CYP7A1: variants seen among roughly 807,000 people sequenced by gnomAD.
CYP7A1 encodes the protein cytochrome P450 7A1.
CYP7A1 carries 28 observed loss-of-function variants against 43.8 expected under a neutral mutation model. The ratio of observed to expected loss-of-function variants is 0.64; its 90% confidence interval spans 0.47 to 0.88. The LOEUF is 0.88. CYP7A1 is among the 40% of genes least tolerant of loss of function. The pLI is 0.00. For missense variants in CYP7A1, 637 were observed against 611.9 expected (o/e 1.04, Z -0.43); for synonymous variants, 227 against 222.5 (o/e 1.02, Z -0.18).
chr8:58,497,670 T>C (rs1474819470), intron 2 of CYP7A1, among the ~76,000 whole-genome samples: 5 of 152,162 alleles, frequency 3.3e-5, no homozygotes, highest in African/African-American at 9.7e-5. Context: ...GTGTGTTCCA[T>C]TGTGTCCAGC....
At chr8:58,494,912 G>A (rs1809415383) in intron 3 of CYP7A1, among the ~76,000 whole-genome samples, 1 of 152,180 alleles carries the variant, frequency 6.6e-6, no homozygotes, top group African/African-American at 2.4e-5. Flanking sequence ...GAGGCGGGCG[G>A]ATCATGAGGT....
In CYP7A1 at chr8:58,500,022, C is replaced by T; in HGVS notation, c.77G>A (p.Arg26Lys). 1.9e-6 allele frequency: 3 copies of T among 1,609,458 alleles called. No homozygotes were observed. Among genetic ancestry groups the T allele is most frequent in the African/African-American group, 1.3e-5 (1 of 74,912 alleles). Residue 26 changes from arginine to lysine, a missense_variant, in exon 1 of 6, where the codon AGA (arginine) becomes AAA (lysine). Physicochemically the swap from Arg to Lys is conservative, Grantham distance 26. Transcript: ENST00000301645. ...TTAAAGATAAAACATTACTTACCTT[C>T]TCCTAATTCCAAGAATAAGCCATAG... is the stretch of plus-strand genomic sequence containing the variant. ...CCLWLILGIR[R>K]RQTGEPPLEN...
At chr8:58,497,876 A>G (rs1276771935) in intron 2 of CYP7A1, among the ~76,000 whole-genome samples, 1 of 152,206 alleles carries the variant, frequency 6.6e-6, no homozygotes, top group Non-Finnish European at 1.5e-5. Flanking sequence ...TGGTGAGACA[A>G]CTGCTGAATG....
In CYP7A1 at chr8:58,494,325, T is replaced by C. The variant is rs77169716; in HGVS notation, c.1039+181A>G. 0.016 allele frequency among the ~76,000 whole-genome samples: 2,391 copies of C among 152,286 alleles called. 51 individuals are homozygous for C. The highest frequency in any genetic ancestry group is 0.11 in the East Asian group (554 of 5,176). ...AACCTCTAGGTGTCAGTTTCCTCAC[T>C]TGGTACAAATAAATAGTAACAGTCC... On this transcript the variant is annotated intron_variant, in intron 4 of 5. Coordinates refer to ENST00000301645, the MANE Select transcript of CYP7A1 (RefSeq NM_000780.4).
rs1809345762 is a variant in CYP7A1 at position 58,491,206 on chromosome 8, C to T, written c.*269G>A. ...CCTTTGAAAATAATAAACTTCAATC[C>T]CTGGCTATATGAACATTCATGGACT... On this transcript the variant is annotated 3_prime_UTR_variant, in exon 6 of 6. Transcript: ENST00000301645. 7.2e-6 allele frequency: 3 copies of T among 416,682 alleles called. No individual in the cohort carries two copies. The highest frequency in any genetic ancestry group is 3.8e-5 in the East Asian group (1 of 26,630). The allele number at this position is 416,682 out of a possible 1,614,324, so 25.8% of individuals were successfully genotyped here. A position where few individuals can be genotyped will look rare whatever the true frequency, so the allele number is the denominator to read the frequency against.
At chr8:58,496,076 G>T (rs1809438413) in intron 3 of CYP7A1, among the ~76,000 whole-genome samples, 1 of 152,084 alleles carries the variant, frequency 6.6e-6, no homozygotes, top group Non-Finnish European at 1.5e-5. Context: ...AATAATAATA[G>T]ATTATGATTG....
intron 1 of CYP7A1, among the ~76,000 whole-genome samples, chr8:58,499,166 AT>A (rs1337631528): frequency 6.6e-6 from 1 of 152,254 alleles, no homozygotes; most frequent in Non-Finnish European, 1.5e-5. Context: ...ATAATACAGT[AT>A]AAAGTAATTA....
At chr8:58,496,551 A>C (rs1317628128) in intron 3 of CYP7A1, 53 bp downstream of exon 3, 1 of 1,455,666 alleles carries the variant, frequency 6.9e-7, no homozygotes, top group Admixed American at 1.7e-5. Flanking sequence ...AAAGTGGTTT[A>C]ATTTCTACTT....
At chr8:58,492,259 A>G in intron 5 of CYP7A1, 94 bp downstream of exon 5, 1 of 1,132,040 alleles carries the variant, frequency 8.8e-7, no homozygotes, top group Non-Finnish European at 1.3e-6. Flanking sequence ...TGTGACTACA[A>G]TGATAAAATC....
intron 3 of CYP7A1, 82 bp downstream of exon 3, chr8:58,496,522 G>A (rs1255326657): frequency 3.6e-6 from 4 of 1,103,018 alleles, no homozygotes; most frequent in Non-Finnish European, 5.3e-6. Flanking sequence ...AGTACTACGA[G>A]GCTTTTTTTC....
intron 4 of CYP7A1, 50 bp from the exon 5 acceptor site, chr8:58,492,578 G>A: frequency 1.4e-6 from 2 of 1,417,084 alleles, no homozygotes; most frequent in Non-Finnish European, 2.0e-6. Flanking sequence ...AGGAAGGGAG[G>A]AAGGAAGAGA....
In CYP7A1 at chr8:58,498,470, C is replaced by G; in HGVS notation, c.81-1G>C. 1 of 1,614,028 alleles carries G rather than the reference C, an allele frequency of 6.2e-7. No individual in the cohort carries two copies. Among genetic ancestry groups the G allele is most frequent in the South Asian group, 1.1e-5 (1 of 91,076 alleles). On this transcript the variant is annotated splice_acceptor_variant, in intron 1 of 5. Transcript: ENST00000301645. LOFTEE classifies it high-confidence loss of function. ...CTCTAGAGGTGGTTCACCCGTTTGCCTGTCAGACACAAGTGTATGATAGAC... is the reference window on the plus strand; with the variant it reads ...CTCTAGAGGTGGTTCACCCGTTTGCGTGTCAGACACAAGTGTATGATAGAC...
In CYP7A1 at chr8:58,491,398, G is replaced by T. The variant is rs951464486; in HGVS notation, c.*77C>A. 2 of 1,329,824 alleles carry T rather than the reference G, an allele frequency of 1.5e-6. No homozygotes were observed. Among genetic ancestry groups the T allele is most frequent in the Non-Finnish European group, 2.1e-6 (2 of 937,240 alleles). The allele number at this position is 1,329,824 out of a possible 1,614,324, so 82.4% of individuals were successfully genotyped here. A position where few individuals can be genotyped will look rare whatever the true frequency, so the allele number is the denominator to read the frequency against. On this transcript the variant is annotated 3_prime_UTR_variant, in exon 6 of 6. Coordinates refer to ENST00000301645, the MANE Select transcript of CYP7A1 (RefSeq NM_000780.4). Reference sequence around the variant, plus strand: ...ATTTCTACCACCACTAAATGCATTTGTCCAAAGGGACTGTGTGGTGAGGGT... The same window carrying T: ...ATTTCTACCACCACTAAATGCATTTTTCCAAAGGGACTGTGTGGTGAGGGT...
chr8:58,493,037 CT>C (rs1809376793), intron 4 of CYP7A1, among the ~76,000 whole-genome samples: 1 of 152,182 alleles, frequency 6.6e-6, no homozygotes, highest in African/African-American at 2.4e-5. Context: ...TCCAAAAGTG[CT>C]TTGATTACAG....
chr8:58,498,313 G>A lies in CYP7A1; in HGVS notation c.237C>T (p.Ile79=). 6.2e-7 allele frequency: 1 copy of A among 1,614,134 alleles called. No homozygotes were observed. The highest frequency in any genetic ancestry group is 8.5e-7 in the Non-Finnish European group (1 of 1,179,994). ...CKLMGKYVHF[I]TNPLSYHKVL... is the part of the protein sequence containing the mutation. ...CCTTATGGTATGACAAGGGATTTGTGATGAAATGGACATATTTTCCCATTA... is the reference window on the plus strand; with the variant it reads ...CCTTATGGTATGACAAGGGATTTGTAATGAAATGGACATATTTTCCCATTA... Residue 79 remains isoleucine, a synonymous_variant, in exon 2 of 6, where the codon ATC becomes ATT. Transcript: ENST00000301645.
intron 1 of CYP7A1, among the ~76,000 whole-genome samples, chr8:58,499,099 T>C (rs1429694908): frequency 6.6e-6 from 1 of 152,220 alleles, no homozygotes; most frequent in African/African-American, 2.4e-5. Context: ...TTTAAAATGT[T>C]TTTATTAGAA....
rs780769821 is a variant in CYP7A1, at chr8:58,491,095, G to C, written c.*380C>G. ...AGCCATCCTCCTTCTTTGGCCTCTC[G>C]AGTAGCTAAGACTACAGGTGCCTGC... On this transcript the variant is annotated 3_prime_UTR_variant, in exon 6 of 6. Coordinates refer to ENST00000301645, the MANE Select transcript of CYP7A1 (RefSeq NM_000780.4). 2 of 210,764 alleles carry C rather than the reference G, an allele frequency of 9.5e-6. No individual in the cohort carries two copies. Among genetic ancestry groups the C allele is most frequent in the Non-Finnish European group, 1.9e-5 (2 of 103,652 alleles). 13.1% of individuals were successfully genotyped at this position (210,764 alleles called of 1,614,324 possible).
At chr8:58,499,907 A>C (rs1809504614) in intron 1 of CYP7A1, 112 bp downstream of exon 1, 3 of 743,958 alleles carry the variant, frequency 4.0e-6, no homozygotes, top group Admixed American at 2.3e-5. Context: ...AAAATAAGGA[A>C]GATAATGCTA....
chr8:58,497,920 A>G (rs562773784), intron 2 of CYP7A1, among the ~76,000 whole-genome samples: 4 of 152,208 alleles, frequency 2.6e-5, no homozygotes, highest in Non-Finnish European at 5.9e-5. Context: ...TTGCATAGAC[A>G]TTGCTGATGT....
Sources: gnomAD v4.1 joint callset for allele counts (sites outside exome capture counted in the v4.1 genomes callset) on GRCh38, gnomAD v4.1.1 for gene constraint, MANE v1.5 for transcripts, NCBI Gene and HGNC (gene_info 2026-07-23, HGNC 2026-07-21) for gene names.